Variants in ERCC8 observed in about 807,000 individuals in gnomAD.
ERCC8 encodes the protein DNA excision repair protein ERCC-8.
A neutral mutation model predicts 54.9 loss-of-function variants in ERCC8; 52 were observed. The observed-to-expected ratio is 0.95, with a 90% CI of 0.76 to 1.19. The LOEUF (loss-of-function observed/expected upper bound fraction) is 1.19, where lower values mean the gene tolerates loss of function less well. Among genes scored for constraint, ERCC8 ranks in the 50% most tolerant of loss-of-function variants. The pLI is 0.00. For missense variants in ERCC8, 514 were observed against 466.1 expected (o/e 1.10, Z -0.95); for synonymous variants, 146 against 157.2 (o/e 0.93, Z 0.53).
chr5:60,933,354 G>A (rs1749970639), intron 1 of ERCC8, among the ~76,000 whole-genome samples: 1 of 151,152 alleles, frequency 6.6e-6, no homozygotes, highest in African/African-American at 2.4e-5. Context: ...GAGTAGCTGG[G>A]ATTATAGGCA....
At chr5:60,913,951 TGA>T (rs963437107) in intron 4 of ERCC8, among the ~76,000 whole-genome samples, 2 of 152,276 alleles carry the variant, frequency 1.3e-5, no homozygotes, top group Admixed American at 6.5e-5. Flanking sequence ...CACTGTGGTC[TGA>T]GAGAGTTTGT....
chr5:60,871,861 C>T lies in ERCC8; in HGVS notation c.*2754G>A, dbSNP rs1452238247. ...TGTCACCCAGGCTGGAGTGTAGTGA[C>T]ACGATCTTGGCTCAATGCAGCCGTG... is the stretch of plus-strand genomic sequence containing the variant. On this transcript the variant is annotated 3_prime_UTR_variant, in exon 12 of 12. Transcript: ENST00000676185. Among the ~76,000 whole-genome samples the T allele has an allele frequency of 6.6e-6, 1 of 152,090 alleles. No individual in the cohort carries two copies. The highest frequency in any genetic ancestry group is 1.5e-5 in the Non-Finnish European group (1 of 68,028).
intron 4 of ERCC8, chr5:60,917,996 G>T (rs1207347448): frequency 4.7e-6 from 2 of 423,318 alleles, no homozygotes; most frequent in Non-Finnish European, 8.9e-6. Flanking sequence ...ACATATTTTG[G>T]CTCATTTAAT....
chr5:60,902,472 G>T lies in ERCC8; in HGVS notation c.587C>A (p.Pro196Gln), dbSNP rs751942615. 2 of 1,612,232 alleles carry T rather than the reference G, an allele frequency of 1.2e-6. No individual in the cohort carries two copies. The highest frequency in any genetic ancestry group is 2.2e-5 in the South Asian group (2 of 90,978). ...TGTTGCCAAGATATAGTCATAACGT[G>T]GAGACCAGGAAACTGCTAATATTTC... The part of the protein sequence containing the change: ...RQEILAVSWS[P>Q]RYDYILATAS... Residue 196 changes from proline (P) to glutamine (Q), a missense_variant, in exon 7 of 12, where the codon CCA becomes CAA. Transcript: ENST00000676185.
intron 11 of ERCC8, among the ~76,000 whole-genome samples, chr5:60,881,525 G>T (rs991539096): frequency 3.3e-5 from 5 of 152,198 alleles, no homozygotes; most frequent in African/African-American, 4.8e-5. Context: ...GATCTTCCCA[G>T]CCGCTTTGTT....
chr5:60,883,668 G>C lies in ERCC8; in HGVS notation c.1122+3772C>G, dbSNP rs78572934. On this transcript the variant is annotated intron_variant, in intron 11 of 11. Transcript: ENST00000676185. ...AGCAAGTGATTATACATTGACACAAGTGATATGTAAAACAGTTATGTATTG... is the reference window on the plus strand; with the variant it reads ...AGCAAGTGATTATACATTGACACAACTGATATGTAAAACAGTTATGTATTG... Among the ~76,000 whole-genome samples the C allele has an allele frequency of 3.1e-3, 472 of 152,286 alleles. 4 individuals are homozygous for C. Among genetic ancestry groups the C allele is most frequent in the Non-Finnish European group, 5.0e-3 (342 of 68,020 alleles).
At chr5:60,888,931 G>T (rs1748472266) in intron 10 of ERCC8, among the ~76,000 whole-genome samples, 1 of 152,096 alleles carries the variant, frequency 6.6e-6, no homozygotes, top group Non-Finnish European at 1.5e-5. Context: ...TAGCAAAAGG[G>T]ACCAGTTAAA....
intron 1 of ERCC8, among the ~76,000 whole-genome samples, chr5:60,938,048 C>CATATATATAT (rs1170248858): frequency 1.7e-4 from 4 of 23,384 alleles, no homozygotes; most frequent in Admixed American, 5.9e-4. Flanking sequence ...TACATACATA[C>CATATATATAT]ATATATATAT....
At chr5:60,890,848 G>A in intron 10 of ERCC8, 41 bp downstream of exon 10, 1 of 1,446,938 alleles carries the variant, frequency 6.9e-7, no homozygotes, top group Non-Finnish European at 9.7e-7. Context: ...GGTCTGGCAA[G>A]CTAGCTAGCT....
At chr5:60,930,117 G>A (rs1252485978) in intron 1 of ERCC8, among the ~76,000 whole-genome samples, 2 of 152,126 alleles carry the variant, frequency 1.3e-5, no homozygotes, top group Non-Finnish European at 2.9e-5. Flanking sequence ...TTGTCTTCTA[G>A]ACATTACATA....
At chr5:60,901,462 T>C (rs1748901881) in intron 7 of ERCC8, among the ~76,000 whole-genome samples, 1 of 152,050 alleles carries the variant, frequency 6.6e-6, no homozygotes, top group Admixed American at 6.6e-5. Context: ...TTTCAATCTA[T>C]TATTCCAGAT....
At chr5:60,917,658 GGGACCATGTTAA>G (rs1165893077) in intron 4 of ERCC8, 1 of 152,876 alleles carries the variant, frequency 6.5e-6, no homozygotes, top group East Asian at 1.9e-4. Context: ...ATGTTCAGTT[GGGACCATGTTAA>G]GTTTGAAGGG....
rs139419435 is a variant in ERCC8 at position 60,940,710 on chromosome 5, A to G, written c.77+4222T>C. On this transcript the variant is annotated intron_variant, in intron 1 of 11. Transcript: ENST00000676185. ...CCATTGAATGGCATACACCTGGGGAAGATCTGAAGAGACTTTGAAAACTGA... is the reference window on the plus strand; with the variant it reads ...CCATTGAATGGCATACACCTGGGGAGGATCTGAAGAGACTTTGAAAACTGA... 1.6e-4 allele frequency among the ~76,000 whole-genome samples: 25 copies of G among 152,360 alleles called. No individual in the cohort carries two copies. In the East Asian group the frequency reaches 4.6e-3, roughly 28 times the overall value.
intron 4 of ERCC8, among the ~76,000 whole-genome samples, chr5:60,916,438 C>T (rs1749437525): frequency 1.3e-5 from 2 of 151,912 alleles, no homozygotes; most frequent in African/African-American, 4.8e-5. Context: ...TTCTCAATTC[C>T]TAGATTTCTT....
Position 60,866,689 on chromosome 5 carries a change from T to G in ERCC8, c.*7926A>C, listed in dbSNP as rs1747755525. 1.3e-5 allele frequency: 2 copies of G among 152,220 alleles called. No homozygotes were observed. Among genetic ancestry groups the G allele is most frequent in the South Asian group, 4.1e-4 (2 of 4,832 alleles). 9.4% of individuals were successfully genotyped at this position (152,220 alleles called of 1,614,324 possible). A position where few individuals can be genotyped will look rare whatever the true frequency, so the allele number is the denominator to read the frequency against. The stretch of plus-strand genomic sequence containing the variant: ...ATTCATAAAACTTTTATAATGACAC[T>G]CTACCTCTGCCTTCAATGAACTTTA... On this transcript the variant is annotated 3_prime_UTR_variant, in exon 12 of 12. Transcript: ENST00000676185.
intron 11 of ERCC8, among the ~76,000 whole-genome samples, chr5:60,879,251 T>C (rs1187711505): frequency 1.3e-5 from 2 of 152,240 alleles, no homozygotes; most frequent in Non-Finnish European, 2.9e-5. Context: ...CTATAATTTC[T>C]GTTCTTTTAC....
chr5:60,933,619 G>A (rs1279726667), intron 1 of ERCC8, among the ~76,000 whole-genome samples: 6 of 152,104 alleles, frequency 3.9e-5, no homozygotes, highest in African/African-American at 1.4e-4. Context: ...AACAGGTGGT[G>A]TTTGGTTACA....
At chr5:60,888,347 T>C (rs1332738059) in intron 10 of ERCC8, among the ~76,000 whole-genome samples, 1 of 152,216 alleles carries the variant, frequency 6.6e-6, no homozygotes, top group African/African-American at 2.4e-5. Context: ...TTTTGTTGAC[T>C]GTATTACAAA....
At chr5:60,876,575 ACTGGTG>A (rs2112454995) in intron 11 of ERCC8, among the ~76,000 whole-genome samples, 1 of 152,248 alleles carries the variant, frequency 6.6e-6, no homozygotes, top group Non-Finnish European at 1.5e-5. Context: ...CACCATTCTA[ACTGGTG>A]TGAGATGGTA....
Sources: allele counts gnomAD v4.1 joint callset (sites outside exome capture counted in the v4.1 genomes callset), GRCh38; gene constraint gnomAD v4.1.1; transcripts MANE v1.5; gene names NCBI Gene and HGNC (gene_info 2026-07-23, HGNC 2026-07-21).